STK32B: variants seen among roughly 807,000 people sequenced by gnomAD.
STK32B encodes the protein serine/threonine-protein kinase 32B.
STK32B carries 43 observed loss-of-function variants against 52.6 expected under a neutral mutation model. The ratio of observed to expected loss-of-function variants is 0.82; its 90% CI spans 0.64 to 1.05. The LOEUF is 1.05. Among genes scored for constraint, STK32B ranks in the 50% least tolerant of loss-of-function variants. The probability of loss-of-function intolerance (pLI) is 0.00; values close to 1 mark genes in which losing one functional copy is unlikely to be tolerated. For synonymous variants in STK32B, 238 were observed against 204.3 expected (o/e 1.17, Z -1.41); for missense variants, 621 against 534.6 (o/e 1.16, Z -1.59).
intron 3 of STK32B, among the ~76,000 whole-genome samples, chr4:5,325,329 GT>G (rs11327335): frequency 0.31 from 45,712 of 149,700 alleles, 10,743 homozygotes; most frequent in African/African-American, 0.65. Flanking sequence ...CTAAACAATT[GT>G]TTTTTTTTTC....
intron 3 of STK32B, among the ~76,000 whole-genome samples, chr4:5,256,955 ATAAG>A (rs1415439271): frequency 6.6e-6 from 1 of 152,088 alleles, no homozygotes; most frequent in Non-Finnish European, 1.5e-5. Context: ...AAGTGGATGA[ATAAG>A]TGAGTGAGTG....
intron 1 of STK32B, among the ~76,000 whole-genome samples, chr4:5,116,014 C>G (rs1714694462): frequency 6.6e-6 from 1 of 152,162 alleles, no homozygotes; most frequent in African/African-American, 2.4e-5. Flanking sequence ...CCTTAATTCT[C>G]TCCCTCCCTG....
chr4:5,198,943 A>G (rs1721911269), intron 3 of STK32B, among the ~76,000 whole-genome samples: 1 of 150,488 alleles, frequency 6.6e-6, no homozygotes, highest in Non-Finnish European at 1.5e-5. Context: ...GTACTTTTGT[A>G]TGAGGTGCAG....
rs6852167 is a variant in STK32B, at chr4:5,399,472, C to A, written c.472+1228C>A. On this transcript the variant is annotated intron_variant, in intron 5 of 11. Transcript: ENST00000282908. The surrounding 1 kb of genome is among the most constrained non-coding windows in gnomAD (Gnocchi z 5.4). ...GCATCTCTGCATCAGATGCTGGAAC[C>A]AGACTAAGTGCTTTGGGGGCAGTAG... is the stretch of plus-strand genomic sequence containing the variant. 0.013 allele frequency among the ~76,000 whole-genome samples: 1,970 copies of A among 152,274 alleles called. 35 individuals carry two copies. Among genetic ancestry groups the A allele is most frequent in the African/African-American group, 0.045 (1,878 of 41,544 alleles).
intron 1 of STK32B, among the ~76,000 whole-genome samples, chr4:5,070,652 G>C (rs1354838685): frequency 1.3e-5 from 2 of 152,162 alleles, no homozygotes; most frequent in African/African-American, 4.8e-5. Context: ...TCCTTGTGAA[G>C]AGGTGAAATT....
At chr4:5,323,007 G>A (rs1731618448) in intron 3 of STK32B, among the ~76,000 whole-genome samples, 1 of 152,144 alleles carries the variant, frequency 6.6e-6, no homozygotes, top group Admixed American at 6.5e-5. Context: ...TCTTGTCCTT[G>A]GTTTCCTCCA....
intron 3 of STK32B, among the ~76,000 whole-genome samples, chr4:5,209,331 C>T (rs1722768729): frequency 6.6e-6 from 1 of 152,186 alleles, no homozygotes. Context: ...AAGTAATCCT[C>T]CCACCTCAGT....
At chr4:5,444,143 C>T (rs1253055791) in intron 6 of STK32B, among the ~76,000 whole-genome samples, 4 of 151,530 alleles carry the variant, frequency 2.6e-5, no homozygotes, top group Non-Finnish European at 2.9e-5. Context: ...TTGGAGCTTC[C>T]GGGCTGCTTT....
intron 3 of STK32B, among the ~76,000 whole-genome samples, chr4:5,297,586 C>G (rs1360094707): frequency 6.7e-6 from 1 of 149,994 alleles, no homozygotes; most frequent in Non-Finnish European, 1.5e-5. Context: ...CTTGTATATG[C>G]TTCACAAAGT....
intron 3 of STK32B, among the ~76,000 whole-genome samples, chr4:5,224,042 T>C (rs1388925728): frequency 6.6e-6 from 1 of 152,204 alleles, no homozygotes; most frequent in Non-Finnish European, 1.5e-5. Flanking sequence ...TGCTTCAGAG[T>C]AAATCTCACC....
At chr4:5,235,339 C>T (rs1476380972) in intron 3 of STK32B, among the ~76,000 whole-genome samples, 5 of 152,186 alleles carry the variant, frequency 3.3e-5, no homozygotes, top group African/African-American at 1.2e-4. Context: ...ATCCCAGCTC[C>T]ATCATTTACT....
intron 4 of STK32B, among the ~76,000 whole-genome samples, chr4:5,331,886 C>G (rs1164239597): frequency 2.6e-5 from 4 of 152,182 alleles, no homozygotes; most frequent in Non-Finnish European, 4.4e-5. Flanking sequence ...CTTACTTCTC[C>G]CTGCTATGCA....
rs989978595 is a variant in STK32B, at chr4:5,211,860, T to C, written c.260+43410T>C. ...AAAATGATCAAGCGACAAGTCTCTC[T>C]GATTTTGTTTTTACTTCAGTAAATG... On this transcript the variant is annotated intron_variant, in intron 3 of 11. Coordinates refer to ENST00000282908, the MANE Select transcript of STK32B (RefSeq NM_018401.3). Among the ~76,000 whole-genome samples the C allele has an allele frequency of 2.0e-5, 3 of 152,352 alleles. No homozygotes were observed. In the East Asian group the frequency reaches 5.8e-4, roughly 29 times the overall value.
At chr4:5,178,639 T>G (rs139950343) in intron 3 of STK32B, among the ~76,000 whole-genome samples, 4,946 of 152,330 alleles carry the variant, frequency 0.032, 105 homozygotes, top group Admixed American at 0.049. Flanking sequence ...GCTTAGAAAT[T>G]TCTTCTGCCA....
chr4:5,317,365 ATATG>A (rs1731126410), intron 3 of STK32B, among the ~76,000 whole-genome samples: 1 of 81,816 alleles, frequency 1.2e-5, no homozygotes, highest in African/African-American at 7.4e-5. Flanking sequence ...TATATAATGT[ATATG>A]TATTATATAT....
At chr4:5,205,047 A>C (rs1391618770) in intron 3 of STK32B, among the ~76,000 whole-genome samples, 1 of 152,212 alleles carries the variant, frequency 6.6e-6, no homozygotes, top group African/African-American at 2.4e-5. Context: ...TAATCCCTGG[A>C]GGGCCCGAGT....
the STK32B span, among the ~76,000 whole-genome samples, chr4:5,031,624 C>T: frequency 3.3e-5 from 5 of 152,044 alleles, no homozygotes; most frequent in African/African-American, 9.7e-5. Context: ...GGAGTCTGTT[C>T]TCCATTATAA....
chr4:5,103,267 A>C (rs1204799111), intron 1 of STK32B, among the ~76,000 whole-genome samples: 1 of 152,096 alleles, frequency 6.6e-6, no homozygotes, highest in East Asian at 1.9e-4. Context: ...ACATAGACAC[A>C]GTTAAAGCCC....
At chr4:5,100,630 T>TTC (rs142745949) in intron 1 of STK32B, among the ~76,000 whole-genome samples, 60,036 of 104,828 alleles carry the variant, frequency 0.57, 15,215 homozygotes, top group East Asian at 0.84. Context: ...TTTTCTTTCT[T>TTC]TCTCTTTCTT....
Sources: allele counts gnomAD v4.1 joint callset (sites outside exome capture counted in the v4.1 genomes callset), GRCh38; gene constraint gnomAD v4.1.1; non-coding constraint Gnocchi (gnomAD v3.1); transcripts MANE v1.5; gene names NCBI Gene and HGNC (gene_info 2026-07-23, HGNC 2026-07-21).